The following COPS3 variants were observed in gnomAD, a reference collection of about 807,000 sequenced individuals.
The protein encoded by COPS3 is COP9 signalosome subunit 3.
In COPS3, 10 loss-of-function variants were observed where a neutral mutation model predicts 58.2. The ratio of observed to expected loss-of-function variants is 0.17; its 90% CI spans 0.11 to 0.29. The LOEUF is 0.29. Ranked by LOEUF, COPS3 falls within the 10% of genes least tolerant of loss-of-function variation. COPS3 has a pLI of 1.00. For synonymous variants in COPS3, 187 were observed against 181.7 expected (o/e 1.03, Z -0.24); for missense variants, 333 against 510.1 (o/e 0.65, Z 3.34).
rs754977643 is a variant in COPS3, at chr17:17,261,699, A to G, written c.762+267T>C. ...ACATAGCGAGACTCTGTCTCTAGGG[A>G]AAAAAAAAAAAATCAACTGTTATAG... On this transcript the variant is annotated intron_variant, in intron 7 of 11. Transcript: ENST00000268717. The G allele has an allele frequency of 3.4e-4, 47 of 139,898 alleles. No individual in the cohort carries two copies. The South Asian group carries it at 3.5e-3, about 11-fold the overall frequency. The allele number at this position is 139,898 out of a possible 1,614,324, so 8.7% of individuals were successfully genotyped here.
chr17:17,256,275 A>G (rs1306067795), intron 8 of COPS3, among the ~76,000 whole-genome samples: 3 of 152,134 alleles, frequency 2.0e-5, no homozygotes, highest in Admixed American at 2.0e-4. Flanking sequence ...TGTAAACTGA[A>G]AAGGAATCCA....
chr17:17,263,360 C>T (rs1028137034), intron 6 of COPS3, among the ~76,000 whole-genome samples: 21 of 151,872 alleles, frequency 1.4e-4, no homozygotes, highest in African/African-American at 5.1e-4. Context: ...GCTGCCAGGC[C>T]CAGCTAATTT....
At chr17:17,269,148 A>G (rs2048292116) in intron 4 of COPS3, among the ~76,000 whole-genome samples, 1 of 152,166 alleles carries the variant, frequency 6.6e-6, no homozygotes, top group African/African-American at 2.4e-5. Flanking sequence ...CCAACATGGC[A>G]AAACCTCACC....
chr17:17,257,747 A>C (rs540747413), intron 8 of COPS3, among the ~76,000 whole-genome samples: 232 of 150,708 alleles, frequency 1.5e-3, no homozygotes, highest in African/African-American at 5.5e-3. Context: ...CAGTGAGCCG[A>C]GATCGAGCCA....
At chr17:17,264,622 GCTC>G (rs1340160746) in intron 6 of COPS3, among the ~76,000 whole-genome samples, 177 bp downstream of exon 6, 9 of 152,182 alleles carry the variant, frequency 5.9e-5, no homozygotes, top group South Asian at 2.1e-4. Context: ...CACTGGCGCT[GCTC>G]CTCAACTTAG....
At chr17:17,248,288 C>T (rs1168825796) in intron 10 of COPS3, among the ~76,000 whole-genome samples, 1 of 152,150 alleles carries the variant, frequency 6.6e-6, no homozygotes, top group Non-Finnish European at 1.5e-5. Flanking sequence ...ATCTAACCCA[C>T]CATTTATTTA....
Position 17,249,007 on chromosome 17 carries a change from G to A in COPS3, c.1056C>T (p.Asn352=). The A allele has an allele frequency of 1.2e-6, 2 of 1,602,090 alleles. No individual in the cohort carries two copies. The highest frequency in any genetic ancestry group is 1.1e-5 in the South Asian group (1 of 88,316). ...IEDGEIFASI[N]QKDGMVSFHD... ...GGAAACTGACCATACCGTCCTTCTG[G>A]TTAATACTTGCAAAAATCTCACCAT... The change falls in exon 10 of 12, where the codon AAC becomes AAT. Residue 352 remains asparagine, a synonymous_variant. Coordinates refer to ENST00000268717, the MANE Select transcript of COPS3 (RefSeq NM_003653.4).
chr17:17,249,575 C>T (rs549760119), intron 9 of COPS3, among the ~76,000 whole-genome samples: 25 of 152,268 alleles, frequency 1.6e-4, no homozygotes, highest in East Asian at 1.2e-3. Context: ...TCACTGCAAC[C>T]TCCGCCTCCT....
Position 17,281,238 on chromosome 17 carries a change from T to A in COPS3, c.-52A>T, listed in dbSNP as rs1344676858. 6.3e-7 allele frequency: 1 copy of A among 1,578,252 alleles called. No individual in the cohort carries two copies. Among genetic ancestry groups the A allele is most frequent in the South Asian group, 1.1e-5 (1 of 87,264 alleles). On this transcript the variant is annotated 5_prime_UTR_variant, in exon 1 of 12. Transcript: ENST00000268717. ...GAAGGCAGCACGCGCGGGAAAAGGC[T>A]GCCGCTCTGGGAGGAGGGGCCGCGG...
intron 4 of COPS3, among the ~76,000 whole-genome samples, chr17:17,269,281 C>T (rs1244871895): frequency 6.6e-6 from 1 of 152,090 alleles, no homozygotes; most frequent in African/African-American, 2.4e-5. Context: ...AAAAATTAGC[C>T]GGGCATGGTG....
intron 9 of COPS3, among the ~76,000 whole-genome samples, chr17:17,253,544 G>C (rs1475399920): frequency 1.3e-5 from 2 of 152,124 alleles, no homozygotes; most frequent in Admixed American, 6.6e-5. Context: ...TCCTAAGCTG[G>C]ATGCTAAGTC....
chr17:17,258,015 C>T (rs139237979), intron 8 of COPS3, among the ~76,000 whole-genome samples: 148 of 152,092 alleles, frequency 9.7e-4, no homozygotes, highest in African/African-American at 3.5e-3. Flanking sequence ...GATGTTTCCC[C>T]GTTCTTTTCA....
At chr17:17,266,553 C>G (rs1343052742) in intron 5 of COPS3, among the ~76,000 whole-genome samples, 1 of 152,074 alleles carries the variant, frequency 6.6e-6, no homozygotes, top group African/African-American at 2.4e-5. Context: ...AATCCCAGCA[C>G]TTTGGGAGGC....
chr17:17,276,192 T>C, intron 1 of COPS3, 28 bp from the exon 2 acceptor site: 1 of 1,612,196 alleles, frequency 6.2e-7, no homozygotes, highest in Non-Finnish European at 8.5e-7. Flanking sequence ...CACTATTGCA[T>C]TTCAGCTACA....
At chr17:17,259,257 G>A (rs1423481591) in intron 8 of COPS3, among the ~76,000 whole-genome samples, 1 of 152,176 alleles carries the variant, frequency 6.6e-6, no homozygotes, top group East Asian at 1.9e-4. Flanking sequence ...CTCAGCAGCT[G>A]TGAACTATGC....
intron 4 of COPS3, 123 bp from the exon 5 acceptor site, chr17:17,268,100 G>T: frequency 7.8e-7 from 1 of 1,284,238 alleles, no homozygotes; most frequent in Non-Finnish European, 1.0e-6. Context: ...GCAATATGAG[G>T]TTTCCATACT....
chr17:17,260,199 T>C, intron 8 of COPS3, 102 bp downstream of exon 8: 1 of 1,152,478 alleles, frequency 8.7e-7, no homozygotes, highest in Non-Finnish European at 1.3e-6. Context: ...CCTGCCATGC[T>C]TTATCCCTGT....
chr17:17,279,244 T>A (rs2048525234), intron 1 of COPS3, among the ~76,000 whole-genome samples: 1 of 152,282 alleles, frequency 6.6e-6, no homozygotes, highest in African/African-American at 2.4e-5. Context: ...TTACCATATT[T>A]ATCTCTGTCT....
intron 7 of COPS3, among the ~76,000 whole-genome samples, chr17:17,260,980 G>C (rs1315509500): frequency 1.3e-5 from 2 of 152,150 alleles, no homozygotes; most frequent in African/African-American, 4.8e-5. Context: ...TGGTTTTTAA[G>C]ACCAGGGATA....
Sources: allele counts gnomAD v4.1 joint callset (sites outside exome capture counted in the v4.1 genomes callset), GRCh38; gene constraint gnomAD v4.1.1; transcripts MANE v1.5; gene names NCBI Gene and HGNC (gene_info 2026-07-23, HGNC 2026-07-21).